The following DMD variants were observed in gnomAD, a reference collection of about 807,000 sequenced individuals.
DMD encodes mutant dystrophin.
In DMD, 63 loss-of-function variants were observed where a neutral mutation model predicts 330.1. The ratio of observed to expected loss-of-function variants is 0.19; its 90% CI spans 0.16 to 0.24. The LOEUF (loss-of-function observed/expected upper bound fraction) is 0.24. Among genes scored for constraint, DMD ranks in the 10% least tolerant of loss-of-function variants. The pLI, the probability that DMD is intolerant of heterozygous loss-of-function variation, is 1.00. For synonymous variants in DMD, 1,223 were observed against 959.8 expected, an observed-to-expected ratio of 1.27 and a Z score of -5.07; for missense variants, 3,344 against 2,684.1, an observed-to-expected ratio of 1.25 and a Z score of -5.43.
intron 44 of DMD, among the ~76,000 whole-genome samples, chrX:32,039,598 G>T (rs760342130): frequency 4.5e-5 from 5 of 111,708 alleles, no homozygotes; most frequent in Non-Finnish European, 7.5e-5. Context: ...AAAAGGTAAT[G>T]CCATAAAAAT....
chrX:32,291,438 T>C (rs916326562), intron 42 of DMD, among the ~76,000 whole-genome samples: 1 of 112,002 alleles, frequency 8.9e-6, no homozygotes, highest in African/African-American at 3.2e-5. Context: ...AAAGTACATA[T>C]ATAATACCAT....
chrX:32,440,242 G>C (rs191198538), intron 28 of DMD, among the ~76,000 whole-genome samples: 2 of 111,602 alleles, frequency 1.8e-5, no homozygotes, highest in African/African-American at 6.5e-5. Context: ...CTCTGAATAC[G>C]ACAAATTTAT....
chrX:32,058,567 A>T (rs1387226533), intron 44 of DMD, among the ~76,000 whole-genome samples: 5 of 79,064 alleles, frequency 6.3e-5, no homozygotes, highest in African/African-American at 1.9e-4. Context: ...AACCATTATT[A>T]AAAAAAAAAA....
At chrX:31,189,489 G>A (rs2042110962) in intron 67 of DMD, among the ~76,000 whole-genome samples, 1 of 111,432 alleles carries the variant, frequency 9.0e-6, no homozygotes, top group African/African-American at 3.3e-5. Flanking sequence ...CCACTTATAA[G>A]TGGACCCACA....
At chrX:32,643,642 A>G (rs113583679) in intron 11 of DMD, among the ~76,000 whole-genome samples, 1,702 of 111,691 alleles carry the variant, frequency 0.015, 31 homozygotes, top group African/African-American at 0.051. Flanking sequence ...GATAATTCAT[A>G]GCCATACTGT....
At chrX:31,593,776 C>T (rs1277374177) in intron 55 of DMD, among the ~76,000 whole-genome samples, 4 of 109,532 alleles carry the variant, frequency 3.7e-5, no homozygotes, top group Non-Finnish European at 7.6e-5. Context: ...AGTTAAAAAT[C>T]ATTGTTAAAG....
At chrX:31,134,218 A>C in intron 76 of DMD, 24 bp from the exon 77 acceptor site, 1 of 1,132,269 alleles carries the variant, frequency 8.8e-7, no homozygotes, top group Non-Finnish European at 1.2e-6. Flanking sequence ...AAAACAAATA[A>C]TGGAAAATTA....
chrX:32,314,852 C>A (rs748169459), intron 41 of DMD, among the ~76,000 whole-genome samples: 1 of 111,601 alleles, frequency 9.0e-6, no homozygotes, highest in Admixed American at 9.5e-5. Flanking sequence ...CATCTCACAC[C>A]AGTTAGAATG....
In DMD at chrX:31,348,597, G is replaced by T. The variant is rs747185260; in HGVS notation, c.9122C>A (p.Ala3041Asp). The part of the protein sequence containing the change: ...VEDRVRQLHE[A>D]HRDFGPASQH... ...AGATGCTGGACCAAAGTCCCTGTGG[G>T]CTTCATGCAGCTGCCTGACTCGGTC... The change falls in exon 61 of 79, where the codon GCC becomes GAC. Residue 3041 changes from alanine (A) to aspartate (D), a missense_variant. Ala to Asp is a moderately radical substitution (Grantham distance 126). Coordinates refer to ENST00000357033, the MANE Select transcript of DMD (RefSeq NM_004006.3). 28 of 1,211,022 alleles carry T rather than the reference G, an allele frequency of 2.3e-5. No homozygotes were observed. Among genetic ancestry groups the T allele is most frequent in the Non-Finnish European group, 3.1e-5 (28 of 895,099 alleles).
At chrX:33,260,053 G>A (rs2052929373) in intron 1 of DMD, among the ~76,000 whole-genome samples, 1 of 111,002 alleles carries the variant, frequency 9.0e-6, no homozygotes, top group Non-Finnish European at 1.9e-5. Flanking sequence ...GTGTGGATAT[G>A]TTTTAAGCTT....
At chrX:32,827,754 G>A (rs781045520) in intron 4 of DMD, among the ~76,000 whole-genome samples, 8 of 106,382 alleles carry the variant, frequency 7.5e-5, no homozygotes, top group Non-Finnish European at 1.2e-4. Flanking sequence ...TCCGCCTCCC[G>A]AGTTTCAAGC....
chrX:31,566,129 C>T (rs1921957), intron 55 of DMD, among the ~76,000 whole-genome samples: 17,981 of 111,271 alleles, frequency 0.16, 1,123 homozygotes, highest in Middle Eastern at 0.27. Context: ...TGCAGTCCAA[C>T]TGATTTTTTT....
intron 1 of DMD, among the ~76,000 whole-genome samples, chrX:33,191,984 T>C (rs1040813361): frequency 1.4e-4 from 16 of 111,972 alleles, no homozygotes; most frequent in Admixed American, 3.8e-4. Flanking sequence ...TCACCGCCTA[T>C]TGTGAGAAAC....
chrX:33,053,716 G>C (rs1470237144), intron 1 of DMD, among the ~76,000 whole-genome samples: 1 of 112,101 alleles, frequency 8.9e-6, no homozygotes, highest in Non-Finnish European at 1.9e-5. Flanking sequence ...CCAAAAAGGA[G>C]ACATCACCTA....
chrX:32,359,429 C>CT (rs755959964), intron 37 of DMD, among the ~76,000 whole-genome samples: 189 of 111,858 alleles, frequency 1.7e-3, no homozygotes, highest in South Asian at 7.1e-3. Flanking sequence ...TCCAAATCTA[C>CT]TTTTTTTATC....
chrX:32,132,992 TC>T (rs1238868960), intron 44 of DMD, among the ~76,000 whole-genome samples: 7 of 26,227 alleles, frequency 2.7e-4, no homozygotes, highest in African/African-American at 6.6e-4. Flanking sequence ...CCTTTTCTTT[TC>T]TTTTTTTTTT....
At chrX:33,019,278 A>G (rs1407720195) in intron 2 of DMD, among the ~76,000 whole-genome samples, 1 of 111,151 alleles carries the variant, frequency 9.0e-6, no homozygotes, top group Non-Finnish European at 1.9e-5. Flanking sequence ...CAAAATATCC[A>G]CTATCAAAAC....
intron 2 of DMD, among the ~76,000 whole-genome samples, chrX:32,881,649 A>G (rs938557240): frequency 1.2e-4 from 14 of 112,393 alleles, no homozygotes; most frequent in Non-Finnish European, 2.4e-4. Context: ...TTATGCTTTA[A>G]TGGAAATATA....
At chrX:31,872,084 C>T (rs2093900014) in intron 48 of DMD, among the ~76,000 whole-genome samples, 1 of 106,283 alleles carries the variant, frequency 9.4e-6, no homozygotes, top group Non-Finnish European at 1.9e-5. Flanking sequence ...TTTTATGTTT[C>T]CCCTCCCCCC....
Sources: gnomAD v4.1 joint callset for allele counts (sites outside exome capture counted in the v4.1 genomes callset) on GRCh38, gnomAD v4.1.1 for gene constraint, MANE v1.5 for transcripts, NCBI Gene and HGNC (gene_info 2026-07-23, HGNC 2026-07-21) for gene names.